Variants in VOPP1 observed in about 807,000 individuals in gnomAD.
VOPP1 encodes the protein VOPP1 WW domain binding protein.
VOPP1 carries 8 observed loss-of-function variants against 23.5 expected under a neutral mutation model. That is an observed-to-expected ratio of 0.34 (90% CI 0.20 to 0.61). VOPP1 has a LOEUF of 0.61. Ranked by LOEUF, VOPP1 falls within the 20% of genes least tolerant of loss-of-function variation. The pLI is 0.78. For synonymous variants in VOPP1, 83 were observed against 97.3 expected (o/e 0.85, Z 0.86); for missense variants, 174 against 238.1 (o/e 0.73, Z 1.77).
At chr7:55,511,348 A>AT (rs1795059451) in intron 2 of VOPP1, among the ~76,000 whole-genome samples, 1 of 152,188 alleles carries the variant, frequency 6.6e-6, no homozygotes, top group Non-Finnish European at 1.5e-5. Flanking sequence ...ATTTCTGCAA[A>AT]TTCACTCCAT....
chr7:55,450,590 A>G (rs1370391823), intron 4 of VOPP1, among the ~76,000 whole-genome samples: 1 of 152,230 alleles, frequency 6.6e-6, no homozygotes, highest in Non-Finnish European at 1.5e-5. Context: ...TAGGCTGAAT[A>G]TCATTAAAAT....
chr7:55,507,093 G>GCCCATACATGTGGATAAAA (rs1416280332), intron 2 of VOPP1, among the ~76,000 whole-genome samples: 6 of 152,216 alleles, frequency 3.9e-5, no homozygotes, highest in Non-Finnish European at 7.3e-5. Context: ...AGAAGTCCCA[G>GCCCATACATGTGGATAAAA]CCCATACATG....
intron 1 of VOPP1, chr7:55,537,737 G>A: frequency 1.4e-6 from 2 of 1,402,928 alleles, no homozygotes; most frequent in South Asian, 1.6e-5. Context: ...CAGCGCTTGT[G>A]ACAGTGTGAA....
chr7:55,462,877 C>T (rs1048421633), intron 4 of VOPP1, among the ~76,000 whole-genome samples: 19 of 151,912 alleles, frequency 1.3e-4, no homozygotes, highest in African/African-American at 3.4e-4. Flanking sequence ...GGGATGGTCT[C>T]GATCTCCTGA....
chr7:55,478,832 CG>C (rs2129011670), intron 4 of VOPP1, among the ~76,000 whole-genome samples: 1 of 152,304 alleles, frequency 6.6e-6, no homozygotes, highest in East Asian at 1.9e-4. Context: ...GATTCAAAAG[CG>C]GAAGTCCAAA....
chr7:55,454,853 G>A (rs558283686), intron 4 of VOPP1, among the ~76,000 whole-genome samples: 1 of 152,238 alleles, frequency 6.6e-6, no homozygotes, highest in South Asian at 2.1e-4. Flanking sequence ...ATACTGAATG[G>A]GCAAAAGCTG....
rs557117227 is a variant in VOPP1, at chr7:55,571,415, ATTAAT to A, written c.54+851_54+855del. Among the ~76,000 whole-genome samples the A allele has an allele frequency of 5.1e-4, 77 of 152,390 alleles. 1 individual carries two copies. The East Asian group carries it at 0.015, about 29-fold the overall frequency. On this transcript the variant is annotated intron_variant, in intron 1 of 4. Transcript: ENST00000285279. ...TTCATTACCTATTTCTTTTGACTTC[ATTAAT>A]TTAACGCAAATTTCCTTCAGAATAA... is the stretch of plus-strand genomic sequence containing the variant.
intron 4 of VOPP1, among the ~76,000 whole-genome samples, chr7:55,442,735 A>G (rs1194174570): frequency 1.3e-5 from 2 of 152,002 alleles, no homozygotes; most frequent in Non-Finnish European, 1.5e-5. Flanking sequence ...GCAGAGGAAC[A>G]TGCTGGAAAA....
intron 1 of VOPP1, among the ~76,000 whole-genome samples, chr7:55,559,422 C>G (rs1164154354): frequency 6.6e-6 from 1 of 152,170 alleles, no homozygotes; most frequent in African/African-American, 2.4e-5. Flanking sequence ...GGCCGACCAA[C>G]AGGCCACCAC....
intron 1 of VOPP1, chr7:55,537,483 C>A (rs1342950603): frequency 6.5e-7 from 1 of 1,536,100 alleles, no homozygotes; most frequent in South Asian, 1.2e-5. Flanking sequence ...CAAACTGAAC[C>A]ACCAGCCGAG....
chr7:55,512,878 G>A (rs1795173699), intron 2 of VOPP1, among the ~76,000 whole-genome samples: 1 of 152,196 alleles, frequency 6.6e-6, no homozygotes, highest in African/African-American at 2.4e-5. Context: ...TGTGTCCAGG[G>A]AGCCTGGGAC....
intron 1 of VOPP1, among the ~76,000 whole-genome samples, chr7:55,530,209 T>C (rs947828530): frequency 4.1e-4 from 63 of 152,116 alleles, no homozygotes; most frequent in African/African-American, 1.4e-3. Context: ...TACATTCCCA[T>C]CAACAATGTA....
intron 1 of VOPP1, among the ~76,000 whole-genome samples, chr7:55,534,439 A>G (rs935540971): frequency 5.3e-5 from 8 of 151,894 alleles, no homozygotes; most frequent in Non-Finnish European, 8.8e-5. Context: ...GGGGCTGCCC[A>G]AAGTTTCACT....
At chr7:55,435,012 T>C (rs1264205113), downstream of VOPP1, among the ~76,000 whole-genome samples, 1 of 152,150 alleles carries the variant, frequency 6.6e-6, no homozygotes, top group Non-Finnish European at 1.5e-5. Context: ...AATACAATGG[T>C]CCAAGTTTAA....
chr7:55,516,240 A>G (rs1795401402), intron 2 of VOPP1, among the ~76,000 whole-genome samples: 1 of 152,252 alleles, frequency 6.6e-6, no homozygotes, highest in African/African-American at 2.4e-5. Context: ...AGGGGGAAAG[A>G]AACATTACTG....
At chr7:55,538,663 G>A in intron 1 of VOPP1, 1 of 1,535,964 alleles carries the variant, frequency 6.5e-7, no homozygotes, top group South Asian at 1.2e-5. Flanking sequence ...AGCATTGTGT[G>A]TAATGACAAA....
chr7:55,547,278 G>A (rs192786183), intron 1 of VOPP1, among the ~76,000 whole-genome samples: 2 of 152,278 alleles, frequency 1.3e-5, no homozygotes, highest in African/African-American at 4.8e-5. Flanking sequence ...ACCCCAACAG[G>A]ACTGAGGCTA....
chr7:55,512,525 G>A (rs543538834), intron 2 of VOPP1, among the ~76,000 whole-genome samples: 10 of 152,250 alleles, frequency 6.6e-5, no homozygotes, highest in African/African-American at 1.9e-4. Context: ...TTATAGAGAC[G>A]GTGTCTTCAA....
intron 1 of VOPP1, among the ~76,000 whole-genome samples, chr7:55,554,553 C>CT (rs1207395354): frequency 6.6e-6 from 1 of 152,150 alleles, no homozygotes; most frequent in Non-Finnish European, 1.5e-5. Flanking sequence ...ATTCTAGAAA[C>CT]TTTGAGTAAA....
Sources: allele counts gnomAD v4.1 joint callset (sites outside exome capture counted in the v4.1 genomes callset), GRCh38; gene constraint gnomAD v4.1.1; transcripts MANE v1.5; gene names NCBI Gene and HGNC (gene_info 2026-07-23, HGNC 2026-07-21).